The following CEP128 variants were observed in gnomAD, a reference collection of about 807,000 sequenced individuals.
CEP128 encodes the protein centrosomal protein 128kDa.
A neutral mutation model predicts 156.7 loss-of-function variants in CEP128; 132 were observed. That is an observed-to-expected ratio of 0.84 (90% CI 0.73 to 0.97). The LOEUF (loss-of-function observed/expected upper bound fraction) is 0.97. CEP128 is among the 50% of genes least tolerant of loss of function. The pLI, the probability that CEP128 is intolerant of heterozygous loss-of-function variation, is 0.00. For missense variants in CEP128, 1,252 were observed against 1,281.9 expected (o/e 0.98, Z 0.36); for synonymous variants, 469 against 448.9 (o/e 1.04, Z -0.57).
chr14:80,954,720 C>T (rs1886564017), intron 2 of CEP128, among the ~76,000 whole-genome samples: 2 of 152,214 alleles, frequency 1.3e-5, no homozygotes. Flanking sequence ...GAAATAGGCA[C>T]AATCTGATTT....
intron 24 of CEP128, among the ~76,000 whole-genome samples, chr14:80,501,424 A>C (rs1566742214): frequency 6.6e-6 from 1 of 152,270 alleles, no homozygotes; most frequent in African/African-American, 2.4e-5. Context: ...TTTCAACTAG[A>C]ATTTTATATA....
chr14:80,514,745 G>T, intron 23 of CEP128: 1 of 309,320 alleles, frequency 3.2e-6, no homozygotes, highest in Non-Finnish European at 6.7e-6. Context: ...TGTCTGGTGA[G>T]GGCATATTTT....
intron 14 of CEP128, among the ~76,000 whole-genome samples, chr14:80,481,221 C>T (rs1387495956): frequency 2.0e-5 from 3 of 152,142 alleles, no homozygotes; most frequent in Admixed American, 2.0e-4. Context: ...GCTGGGGAGG[C>T]CTCAGAATCA....
chr14:80,851,074 G>A (rs1393272918), intron 9 of CEP128, among the ~76,000 whole-genome samples: 1 of 152,112 alleles, frequency 6.6e-6, no homozygotes, highest in African/African-American at 2.4e-5. Context: ...AAATCTTGGA[G>A]TGAAATTTAC....
chr14:80,689,290 C>CAA (rs57054840), intron 19 of CEP128, among the ~76,000 whole-genome samples: 55 of 96,604 alleles, frequency 5.7e-4, no homozygotes, highest in Non-Finnish European at 8.5e-4. Flanking sequence ...GACTCCGTCT[C>CAA]AAAAAAAAAA....
In CEP128 at chr14:80,484,610, T is replaced by C. The variant is rs1023697192; in HGVS notation, c.*311-6203A>G. On this transcript the variant is annotated intron_variant and NMD_transcript_variant, in intron 14 of 14. Coordinates refer to the CEP128 transcript ENST00000554502. Reference sequence around the variant, plus strand: ...CTCACTCTGGTGATTGCCACTTTGATAGGCATCAGTTATCACCTTAGGAAA... The same window carrying C: ...CTCACTCTGGTGATTGCCACTTTGACAGGCATCAGTTATCACCTTAGGAAA... 4.6e-5 allele frequency among the ~76,000 whole-genome samples: 7 copies of C among 152,350 alleles called. No individual in the cohort carries two copies. In the South Asian group the frequency reaches 1.0e-3, roughly 23 times the overall value.
intron 19 of CEP128, among the ~76,000 whole-genome samples, chr14:80,726,340 T>C (rs1898021387): frequency 6.6e-6 from 1 of 152,208 alleles, no homozygotes; most frequent in Admixed American, 6.5e-5. Flanking sequence ...GCAAGATCCC[T>C]TAAGTGGTTG....
chr14:80,703,944 T>C (rs897004170), intron 19 of CEP128, among the ~76,000 whole-genome samples: 9 of 152,084 alleles, frequency 5.9e-5, no homozygotes, highest in African/African-American at 2.2e-4. Context: ...TCCTCCCTAT[T>C]TTTCTTTAAA....
chr14:80,774,958 C>T (rs1313838570), intron 16 of CEP128, among the ~76,000 whole-genome samples: 1 of 152,166 alleles, frequency 6.6e-6, no homozygotes, highest in African/African-American at 2.4e-5. Context: ...AAATCATAGG[C>T]ACATTATTTT....
At chr14:80,882,660 T>C (rs903986564) in intron 8 of CEP128, among the ~76,000 whole-genome samples, 3 of 152,138 alleles carry the variant, frequency 2.0e-5, no homozygotes, top group Non-Finnish European at 2.9e-5. Context: ...AATTTGGAAG[T>C]AATCTAAGTG....
chr14:80,930,489 T>A (rs759120134), intron 2 of CEP128, among the ~76,000 whole-genome samples: 1 of 152,010 alleles, frequency 6.6e-6, no homozygotes, highest in Non-Finnish European at 1.5e-5. Context: ...GGGGGAAAGA[T>A]CCAATGATGG....
chr14:80,666,141 G>C (rs1222753544), intron 19 of CEP128, among the ~76,000 whole-genome samples: 2 of 152,056 alleles, frequency 1.3e-5, no homozygotes, highest in Non-Finnish European at 2.9e-5. Flanking sequence ...AGCTGCAGAG[G>C]GATGTTATGT....
At chr14:80,680,306 T>C (rs1566852779) in intron 19 of CEP128, among the ~76,000 whole-genome samples, 1 of 152,116 alleles carries the variant, frequency 6.6e-6, no homozygotes, top group Non-Finnish European at 1.5e-5. Flanking sequence ...CAGATCATGG[T>C]AAAGTGATCC....
intron 16 of CEP128, among the ~76,000 whole-genome samples, chr14:80,774,413 A>G (rs1325892089): frequency 6.6e-6 from 1 of 152,184 alleles, no homozygotes; most frequent in East Asian, 1.9e-4. Context: ...ATTGTAGCAG[A>G]GCTGTCCCTT....
intron 2 of CEP128, chr14:80,954,910 T>C (rs1886571803): frequency 6.5e-6 from 1 of 152,764 alleles, no homozygotes; most frequent in Non-Finnish European, 1.5e-5. Flanking sequence ...TTCCCGATTC[T>C]TCCCAGCAGA....
intron 19 of CEP128, among the ~76,000 whole-genome samples, chr14:80,641,765 G>A (rs1454535062): frequency 2.0e-5 from 3 of 151,922 alleles, no homozygotes; most frequent in African/African-American, 4.8e-5. Context: ...TAAAATAGCC[G>A]TACCAGAACA....
rs562143669 is a variant in CEP128, at chr14:80,672,675, T to C, written c.2806+70400A>G. On this transcript the variant is annotated intron_variant, in intron 19 of 24. Transcript: ENST00000555265. ...AATAAAGACACATATACATATGGTT[T>C]ATTGTCCCATTTCTTTGAAAATTTC... Among the ~76,000 whole-genome samples the C allele has an allele frequency of 1.1e-4, 17 of 152,328 alleles. No individual in the cohort carries two copies. The South Asian group carries it at 3.5e-3, about 32-fold the overall frequency.
rs552083341 is a variant in CEP128 at position 80,696,513 on chromosome 14, G to A, written c.2806+46562C>T. On this transcript the variant is annotated intron_variant, in intron 19 of 24. Coordinates refer to ENST00000555265, the MANE Select transcript of CEP128 (RefSeq NM_152446.5). Reference sequence around the variant, plus strand: ...AAATTTAAGGAATAGCGTAAAAAGAGCTGATAAAGGAGGTTGGAAAATGTT... The same window carrying A: ...AAATTTAAGGAATAGCGTAAAAAGAACTGATAAAGGAGGTTGGAAAATGTT... Among the ~76,000 whole-genome samples the A allele has an allele frequency of 2.0e-5, 3 of 152,266 alleles. No homozygotes were observed. In the East Asian group the frequency reaches 5.8e-4, roughly 29 times the overall value.
chr14:80,928,722 A>G (rs1211094185), intron 2 of CEP128, among the ~76,000 whole-genome samples: 1 of 152,190 alleles, frequency 6.6e-6, no homozygotes, highest in Non-Finnish European at 1.5e-5. Context: ...CTCCATATAC[A>G]TAATTAACTC....
Sources: gnomAD v4.1 joint callset for allele counts (sites outside exome capture counted in the v4.1 genomes callset) on GRCh38, gnomAD v4.1.1 for gene constraint, MANE v1.5 for transcripts, NCBI Gene and HGNC (gene_info 2026-07-23, HGNC 2026-07-21) for gene names.